PDE4B: variants seen among roughly 807,000 people sequenced by gnomAD.
PDE4B encodes the protein phosphodiesterase 4B.
PDE4B carries 20 observed loss-of-function variants against 82.2 expected under a neutral mutation model. The ratio of observed to expected loss-of-function variants is 0.24; its 90% CI spans 0.17 to 0.35. The LOEUF is 0.35. Among genes scored for constraint, PDE4B ranks in the 10% least tolerant of loss-of-function variants. PDE4B has a pLI of 1.00. For missense variants in PDE4B, 655 were observed against 907.2 expected (o/e 0.72, Z 3.57); for synonymous variants, 320 against 318.9 (o/e 1.00, Z -0.04).
At chr1:65,823,306 G>T (rs1393991701) in intron 1 of PDE4B, among the ~76,000 whole-genome samples, 1 of 146,934 alleles carries the variant, frequency 6.8e-6, no homozygotes, top group Non-Finnish European at 1.5e-5. Context: ...TGAGGCATGA[G>T]AATTGCTTGA....
chr1:65,878,782 G>A (rs530028077), intron 1 of PDE4B, among the ~76,000 whole-genome samples: 3 of 152,186 alleles, frequency 2.0e-5, no homozygotes, highest in African/African-American at 4.8e-5. Context: ...CCTAAGGCAT[G>A]TGGGGCTTAA....
chr1:66,295,948 A>G (rs1333620534), intron 7 of PDE4B, among the ~76,000 whole-genome samples: 1 of 152,032 alleles, frequency 6.6e-6, no homozygotes, highest in Non-Finnish European at 1.5e-5. Flanking sequence ...CTCGAACACC[A>G]TACTGTCTTT....
intron 1 of PDE4B, among the ~76,000 whole-genome samples, chr1:65,831,086 A>C (rs1379589275): frequency 6.6e-6 from 1 of 152,106 alleles, no homozygotes; most frequent in Non-Finnish European, 1.5e-5. Flanking sequence ...GAATGAGCCA[A>C]ATTCAGTAAC....
chr1:66,231,496 A>G lies in PDE4B; in HGVS notation c.282-15964A>G, dbSNP rs75046522. Among the ~76,000 whole-genome samples the G allele has an allele frequency of 4.3e-3, 660 of 152,378 alleles. 6 individuals carry two copies. The highest frequency in any genetic ancestry group is 0.015 in the African/African-American group (633 of 41,592). On this transcript the variant is annotated intron_variant, in intron 3 of 16. Coordinates refer to ENST00000341517, the MANE Select transcript of PDE4B (RefSeq NM_002600.4). The stretch of plus-strand genomic sequence containing the variant: ...GGAAATGGAGTTATTGACAGAGCTG[A>G]GAAGTATTCAGGGATGTCTGTATCA...
At chr1:66,350,116 C>A (rs1041063606) in intron 8 of PDE4B, among the ~76,000 whole-genome samples, 3 of 151,880 alleles carry the variant, frequency 2.0e-5, no homozygotes, top group African/African-American at 7.3e-5. Flanking sequence ...GCATTCTGTG[C>A]CTTCAGGAGG....
intron 3 of PDE4B, among the ~76,000 whole-genome samples, chr1:66,096,508 T>TCATA (rs59931848): frequency 0.037 from 3,973 of 107,214 alleles, 317 homozygotes; most frequent in African/African-American, 0.051. Context: ...GTAAAAAAAA[T>TCATA]TATATATATA....
intron 3 of PDE4B, among the ~76,000 whole-genome samples, chr1:66,116,020 C>A (rs1347534452): frequency 6.6e-6 from 1 of 152,164 alleles, no homozygotes; most frequent in Non-Finnish European, 1.5e-5. Context: ...AATTCTAGCA[C>A]TCCTTAAGCA....
chr1:66,078,067 T>G (rs1428981532), intron 3 of PDE4B, among the ~76,000 whole-genome samples: 1 of 152,186 alleles, frequency 6.6e-6, no homozygotes, highest in African/African-American at 2.4e-5. Context: ...TTCTTTGTAT[T>G]ATAACCATTT....
In PDE4B at chr1:66,089,903, T is replaced by C. The variant is rs571058250; in HGVS notation, c.282-157557T>C. Reference sequence around the variant, plus strand: ...TTGCCTGCTTATACTATCCACCTTATTTAAAATGCTTCATTGGTCACACAA... The same window carrying C: ...TTGCCTGCTTATACTATCCACCTTACTTAAAATGCTTCATTGGTCACACAA... On this transcript the variant is annotated intron_variant, in intron 3 of 16. Transcript: ENST00000341517. Among the ~76,000 whole-genome samples, 6 of 152,196 alleles carry C rather than the reference T, an allele frequency of 3.9e-5. No homozygotes were observed. In the East Asian group the frequency reaches 1.2e-3, roughly 29 times the overall value.
At chr1:65,874,134 T>C (rs1646608637) in intron 1 of PDE4B, among the ~76,000 whole-genome samples, 1 of 151,952 alleles carries the variant, frequency 6.6e-6, no homozygotes, top group Non-Finnish European at 1.5e-5. Flanking sequence ...GTCCTTCACA[T>C]CCCTTGTAAG....
intron 1 of PDE4B, among the ~76,000 whole-genome samples, chr1:65,842,059 A>G (rs1223370645): frequency 6.6e-6 from 1 of 152,160 alleles, no homozygotes; most frequent in Non-Finnish European, 1.5e-5. Context: ...TGAATCTTAC[A>G]CCATGGACAA....
At chr1:66,197,119 C>A (rs185298585) in intron 3 of PDE4B, among the ~76,000 whole-genome samples, 17 of 151,864 alleles carry the variant, frequency 1.1e-4, no homozygotes, top group African/African-American at 3.6e-4. Context: ...TGCCGCAGTC[C>A]CTCTTGAAAT....
At chr1:66,032,885 A>C (rs1014585800) in intron 3 of PDE4B, among the ~76,000 whole-genome samples, 28 of 150,590 alleles carry the variant, frequency 1.9e-4, no homozygotes, top group African/African-American at 6.8e-4. Context: ...CGATCTTCTG[A>C]CCTTGTGATC....
rs1441128631 is a variant in PDE4B at position 66,109,636 on chromosome 1, A to G, written c.282-137824A>G. Among the ~76,000 whole-genome samples, 85 of 151,850 alleles carry G rather than the reference A, an allele frequency of 5.6e-4. 2 individuals are homozygous for G. Among genetic ancestry groups the G allele is most frequent in the Admixed American group, 5.5e-3 (84 of 15,184 alleles). On this transcript the variant is annotated intron_variant, in intron 3 of 16. Coordinates refer to ENST00000341517, the MANE Select transcript of PDE4B (RefSeq NM_002600.4). ...TTTGATTTTTCTAGCTCATAGCCCT[A>G]TTCTGGGTCTCCTTTTCAAGTTTTT...
intron 3 of PDE4B, among the ~76,000 whole-genome samples, chr1:66,172,011 A>G (rs892346668): frequency 1.3e-5 from 2 of 152,158 alleles, no homozygotes; most frequent in Admixed American, 1.3e-4. Flanking sequence ...TTACACTCGT[A>G]TATTGTGTGA....
chr1:66,095,622 C>CA (rs1645100065), intron 3 of PDE4B, among the ~76,000 whole-genome samples: 1 of 151,894 alleles, frequency 6.6e-6, no homozygotes, highest in East Asian at 1.9e-4. Flanking sequence ...TAGCCATAGC[C>CA]AATTTGCTGA....
chr1:66,096,338 AG>A (rs1257370867), intron 3 of PDE4B, among the ~76,000 whole-genome samples: 2 of 151,318 alleles, frequency 1.3e-5, no homozygotes, highest in African/African-American at 4.8e-5. Context: ...TGCAATAAAC[AG>A]TATCAACTTT....
intron 3 of PDE4B, among the ~76,000 whole-genome samples, chr1:66,040,110 T>C (rs2100824241): frequency 6.6e-6 from 1 of 152,166 alleles, no homozygotes; most frequent in South Asian, 2.1e-4. Flanking sequence ...ATCTGAACAC[T>C]GGTTACTCAG....
chr1:66,240,462 G>C (rs1324129043), intron 3 of PDE4B, among the ~76,000 whole-genome samples: 1 of 152,198 alleles, frequency 6.6e-6, no homozygotes, highest in Non-Finnish European at 1.5e-5. Flanking sequence ...GAGAAAGGTG[G>C]ATGGTGTTTC....
Sources: allele counts gnomAD v4.1 joint callset (sites outside exome capture counted in the v4.1 genomes callset), GRCh38; gene constraint gnomAD v4.1.1; transcripts MANE v1.5; gene names NCBI Gene and HGNC (gene_info 2026-07-23, HGNC 2026-07-21).